The following DRC11 variants were observed in gnomAD, a reference collection of about 807,000 sequenced individuals.
DRC11 encodes the protein dynein regulatory complex subunit 11.
the DRC11 span, among the ~76,000 whole-genome samples, chr2:236,461,611 G>A: frequency 6.6e-6 from 1 of 152,136 alleles, no homozygotes; most frequent in African/African-American, 2.4e-5. This position sits in a 1 kb window ranked among gnomAD's most constrained non-coding sequence, Gnocchi z 4.0. Flanking sequence ...ATGAGAGAGG[G>A]GGCATCTGAG....
the DRC11 span, among the ~76,000 whole-genome samples, chr2:236,359,745 A>C: frequency 2.0e-5 from 3 of 152,180 alleles, no homozygotes; most frequent in Non-Finnish European, 4.4e-5. This position sits in a 1 kb window ranked among gnomAD's most constrained non-coding sequence, Gnocchi z 4.3. Context: ...ACCTCTTTGC[A>C]GTGCAGATAG....
the DRC11 span, chr2:236,419,224 T>C: frequency 7.8e-6 from 12 of 1,546,102 alleles, no homozygotes; most frequent in East Asian, 2.7e-4. This position sits in a 1 kb window ranked among gnomAD's most constrained non-coding sequence, Gnocchi z 4.8. Flanking sequence ...TCTTCTTCTT[T>C]TTGTTTTTTT....
At chr2:236,451,994 G>A in the DRC11 span, among the ~76,000 whole-genome samples, 5 of 152,124 alleles carry the variant, frequency 3.3e-5, no homozygotes, top group Non-Finnish European at 7.4e-5. Context: ...ATTTACATGT[G>A]TCAAATGCTG....
At chr2:236,426,599 G>T in the DRC11 span, among the ~76,000 whole-genome samples, 51 of 152,182 alleles carry the variant, frequency 3.4e-4, no homozygotes, top group African/African-American at 1.2e-3. The surrounding 1 kb of genome is among the most constrained non-coding windows in gnomAD (Gnocchi z 4.1). Flanking sequence ...TACAGACAGG[G>T]TCTTGCTATG....
At chr2:236,476,891 C>T in the DRC11 span, among the ~76,000 whole-genome samples, 1 of 152,158 alleles carries the variant, frequency 6.6e-6, no homozygotes, top group Non-Finnish European at 1.5e-5. The surrounding 1 kb of genome is among the most constrained non-coding windows in gnomAD (Gnocchi z 4.7). Flanking sequence ...TCTTGATGCT[C>T]TCCCTCCACC....
the DRC11 span, chr2:236,363,975 A>G: frequency 1.2e-6 from 2 of 1,612,322 alleles, no homozygotes; most frequent in Non-Finnish European, 1.7e-6. This position sits in a 1 kb window ranked among gnomAD's most constrained non-coding sequence, Gnocchi z 5.6. Context: ...GCACTGCTGC[A>G]GAACCTAAAA....
the DRC11 span, among the ~76,000 whole-genome samples, chr2:236,395,458 T>G: frequency 3.3e-5 from 5 of 152,348 alleles, no homozygotes; most frequent in African/African-American, 7.2e-5. Context: ...TATGTGGAAG[T>G]TCGTTCTTTG....
the DRC11 span, among the ~76,000 whole-genome samples, chr2:236,474,250 C>G: frequency 6.6e-6 from 1 of 151,958 alleles, no homozygotes; most frequent in South Asian, 2.1e-4. Flanking sequence ...ACATTGAATA[C>G]AAAACAGACG....
chr2:236,498,491 G>A, the DRC11 span, among the ~76,000 whole-genome samples: 1 of 151,178 alleles, frequency 6.6e-6, no homozygotes, highest in South Asian at 2.1e-4. Flanking sequence ...GAGGTGAGGT[G>A]CAGACTGTGG....
At chr2:236,340,433 T>C in the DRC11 span, among the ~76,000 whole-genome samples, 2 of 152,190 alleles carry the variant, frequency 1.3e-5, no homozygotes, top group Non-Finnish European at 2.9e-5. Context: ...CCTAAGAACT[T>C]TGTGAGAACA....
the DRC11 span, among the ~76,000 whole-genome samples, chr2:236,343,919 C>A: frequency 6.6e-6 from 1 of 152,164 alleles, no homozygotes; most frequent in East Asian, 1.9e-4. The surrounding 1 kb of genome is among the most constrained non-coding windows in gnomAD (Gnocchi z 6.6). Flanking sequence ...ACATAAGGAT[C>A]AAAAGTGATT....
the DRC11 span, among the ~76,000 whole-genome samples, chr2:236,371,071 T>C: frequency 1.3e-5 from 2 of 152,082 alleles, no homozygotes; most frequent in Non-Finnish European, 2.9e-5. This position sits in a 1 kb window ranked among gnomAD's most constrained non-coding sequence, Gnocchi z 5.1. Context: ...GTGCAGAGCA[T>C]TCCTGGCCTG....
At chr2:236,490,962 A>G in the DRC11 span, among the ~76,000 whole-genome samples, 1 of 147,220 alleles carries the variant, frequency 6.8e-6, no homozygotes, top group East Asian at 2.0e-4. This position sits in a 1 kb window ranked among gnomAD's most constrained non-coding sequence, Gnocchi z 5.5. Flanking sequence ...ATGTGTGTAT[A>G]TATGTGTATA....
At chr2:236,471,784 T>C in the DRC11 span, among the ~76,000 whole-genome samples, 1 of 152,200 alleles carries the variant, frequency 6.6e-6, no homozygotes, top group South Asian at 2.1e-4. The surrounding 1 kb of genome is among the most constrained non-coding windows in gnomAD (Gnocchi z 4.6). Flanking sequence ...GATTGGAATC[T>C]GAACCCAGGC....
At chr2:236,404,689 A>G in the DRC11 span, among the ~76,000 whole-genome samples, 3 of 152,162 alleles carry the variant, frequency 2.0e-5, no homozygotes, top group Non-Finnish European at 4.4e-5. Context: ...AAGTCCTCCT[A>G]TCTTTTTAAT....
At chr2:236,478,031 G>GTGTT in the DRC11 span, among the ~76,000 whole-genome samples, 1,141 of 148,222 alleles carry the variant, frequency 7.7e-3, 42 homozygotes, top group East Asian at 0.12. The surrounding 1 kb of genome is among the most constrained non-coding windows in gnomAD (Gnocchi z 5.9). Context: ...GTGTGTGTGT[G>GTGTT]TTTTAGTCTC....
chr2:236,440,961 G>T, the DRC11 span: 1 of 876,010 alleles, frequency 1.1e-6, no homozygotes, highest in Non-Finnish European at 1.8e-6. Flanking sequence ...ACCTAATAAC[G>T]CTATAAACTC....
At chr2:236,357,609 A>G in the DRC11 span, among the ~76,000 whole-genome samples, 19 of 124,556 alleles carry the variant, frequency 1.5e-4, no homozygotes, top group African/African-American at 5.5e-4. Flanking sequence ...GTAAATATAT[A>G]TTTATAAATA....
chr2:236,366,799 C>G, the DRC11 span, among the ~76,000 whole-genome samples: 1 of 149,766 alleles, frequency 6.7e-6, no homozygotes, highest in Admixed American at 6.6e-5. Context: ...CTCTCCCTCC[C>G]TCCTTCCTCC....
Sources: gnomAD v4.1 joint callset for allele counts (sites outside exome capture counted in the v4.1 genomes callset) on GRCh38, gnomAD v4.1.1 for gene constraint, Gnocchi (gnomAD v3.1) non-coding constraint, MANE v1.5 for transcripts, NCBI Gene and HGNC (gene_info 2026-07-23, HGNC 2026-07-21) for gene names.